SPRED2: variants seen among roughly 807,000 people sequenced by gnomAD.
SPRED2 encodes the protein sprouty-related, EVH1 domain-containing protein 2.
Under a neutral mutation model 43.0 loss-of-function variants are expected in SPRED2, and 47 were observed. The ratio of observed to expected loss-of-function variants is 1.09; its 90% CI spans 0.87 to 1.40. SPRED2 has a LOEUF of 1.40. Ranked by LOEUF, SPRED2 falls within the 40% of genes most tolerant of loss-of-function variation. SPRED2 has a pLI of 0.00. For synonymous variants in SPRED2, 225 were observed against 225.7 expected (o/e 1.00, Z 0.03); for missense variants, 561 against 586.4 (o/e 0.96, Z 0.45).
At chr2:65,385,007 C>G (rs1675462918) in intron 1 of SPRED2, among the ~76,000 whole-genome samples, 1 of 139,040 alleles carries the variant, frequency 7.2e-6, no homozygotes, top group African/African-American at 2.6e-5. Context: ...GACTCTTGCT[C>G]TGTCACCCAG....
intron 1 of SPRED2, among the ~76,000 whole-genome samples, chr2:65,398,249 A>G (rs760093878): frequency 1.3e-5 from 2 of 152,270 alleles, no homozygotes; most frequent in Non-Finnish European, 2.9e-5. Flanking sequence ...AAGATGGACC[A>G]AAGACTTAAA....
chr2:65,356,413 G>A (rs1044074012), intron 1 of SPRED2, among the ~76,000 whole-genome samples: 2 of 151,730 alleles, frequency 1.3e-5, no homozygotes, highest in African/African-American at 4.8e-5. Context: ...TGAGAGATTT[G>A]TAGTGTTATG....
intron 1 of SPRED2, among the ~76,000 whole-genome samples, chr2:65,421,642 A>G (rs1288949655): frequency 1.3e-5 from 2 of 152,306 alleles, no homozygotes; most frequent in East Asian, 3.9e-4. Context: ...TCTTTCCAAA[A>G]CAAGTATTTG....
intron 1 of SPRED2, among the ~76,000 whole-genome samples, chr2:65,394,307 G>A (rs957180729): frequency 6.6e-6 from 1 of 152,164 alleles, no homozygotes; most frequent in Non-Finnish European, 1.5e-5. Context: ...AAATTCTCAG[G>A]TGCCTGGCAA....
chr2:65,395,081 C>T (rs537840412), intron 1 of SPRED2, among the ~76,000 whole-genome samples: 31 of 152,228 alleles, frequency 2.0e-4, no homozygotes, highest in Admixed American at 7.2e-4. Flanking sequence ...TAACTCCGCC[C>T]GAGGTATCCA....
chr2:65,413,143 C>T lies in SPRED2; in HGVS notation c.26+18819G>A, dbSNP rs376339155. On this transcript the variant is annotated intron_variant, in intron 1 of 5. Coordinates refer to ENST00000356388, the MANE Select transcript of SPRED2 (RefSeq NM_181784.3). ...GTGACCATACTGACACCAAGAGGACCTTCTTTTTTGCCTACCCCTCTCAAG... is the reference window on the plus strand; with the variant it reads ...GTGACCATACTGACACCAAGAGGACTTTCTTTTTTGCCTACCCCTCTCAAG... Among the ~76,000 whole-genome samples, 24 of 152,294 alleles carry T rather than the reference C, an allele frequency of 1.6e-4. 1 individual carries two copies. The highest frequency in any genetic ancestry group is 5.8e-4 in the African/African-American group (24 of 41,542).
At chr2:65,420,209 CAAA>C (rs61448407) in intron 1 of SPRED2, among the ~76,000 whole-genome samples, 11 of 79,796 alleles carry the variant, frequency 1.4e-4, no homozygotes, top group East Asian at 1.0e-3. Flanking sequence ...GACTCTGTCT[CAAA>C]AAAAAAAAAA....
At chr2:65,412,859 C>T (rs1676193588) in intron 1 of SPRED2, among the ~76,000 whole-genome samples, 1 of 152,228 alleles carries the variant, frequency 6.6e-6, no homozygotes, top group African/African-American at 2.4e-5. Context: ...CCCATGTCCT[C>T]ATTTGGCAGT....
chr2:65,337,402 G>A (rs1673997638), intron 2 of SPRED2, among the ~76,000 whole-genome samples: 1 of 151,606 alleles, frequency 6.6e-6, no homozygotes, highest in Admixed American at 6.6e-5. Flanking sequence ...GTTCTTGTTC[G>A]AGACTTGAAA....
At position 65,327,931 on chromosome 2, in the gene SPRED2, C is replaced by T. The variant is rs546985415; in HGVS notation, c.438+4056G>A. On this transcript the variant is annotated intron_variant, in intron 4 of 5. Coordinates refer to ENST00000356388, the MANE Select transcript of SPRED2 (RefSeq NM_181784.3). ...TAGAGATGGGGTTTCACCATGTTGG[C>T]CAGGCTGGTCTTGAATTGCTGACCT... Among the ~76,000 whole-genome samples the T allele has an allele frequency of 1.8e-4, 28 of 151,794 alleles. No individual in the cohort carries two copies. The South Asian group carries it at 5.2e-3, about 28-fold the overall frequency.
At chr2:65,412,368 A>G (rs1022507027) in intron 1 of SPRED2, among the ~76,000 whole-genome samples, 7 of 152,268 alleles carry the variant, frequency 4.6e-5, no homozygotes, top group African/African-American at 1.7e-4. Context: ...TCAAGAAAAA[A>G]TGATTTTGAA....
chr2:65,398,350 C>T (rs1361439448), intron 1 of SPRED2, among the ~76,000 whole-genome samples: 1 of 152,104 alleles, frequency 6.6e-6, no homozygotes, highest in Non-Finnish European at 1.5e-5. Context: ...TGACCAAGAA[C>T]CCCAAAGCAA....
intron 1 of SPRED2, among the ~76,000 whole-genome samples, chr2:65,393,269 A>C (rs1174500208): frequency 6.6e-6 from 1 of 151,414 alleles, no homozygotes; most frequent in Admixed American, 6.6e-5. Context: ...CTTCCCCAAA[A>C]TCCAGAGCTG....
chr2:65,319,365 G>A (rs1009694076), intron 4 of SPRED2, among the ~76,000 whole-genome samples: 1 of 152,196 alleles, frequency 6.6e-6, no homozygotes, highest in Non-Finnish European at 1.5e-5. Flanking sequence ...CTGTAATCAA[G>A]ATCTAAGGGT....
At chr2:65,307,549 C>CAAAAA (rs55812957), downstream of SPRED2, among the ~76,000 whole-genome samples, 1 of 104,146 alleles carries the variant, frequency 9.6e-6, no homozygotes, top group African/African-American at 3.6e-5. Flanking sequence ...AACCCCTTCT[C>CAAAAA]AAAAAAAAAA....
At chr2:65,412,181 G>A (rs891351191) in intron 1 of SPRED2, among the ~76,000 whole-genome samples, 2 of 151,364 alleles carry the variant, frequency 1.3e-5, no homozygotes, top group Admixed American at 1.3e-4. Flanking sequence ...CAGCAAGGAT[G>A]CAATGACAAT....
Position 65,316,760 on chromosome 2 carries a change from G to C in SPRED2, c.562C>G (p.Pro188Ala). Residue 188 changes from proline (P) to alanine (A), a missense_variant, in exon 5 of 6, where the codon CCC (proline) becomes GCC (alanine). This residue lies in a region of SPRED2 where 305 missense variants were observed against 282.4 expected (regional missense o/e 1.08). Transcript: ENST00000356388. The stretch of plus-strand genomic sequence containing the variant: ...TGATCGAGGTGATAGTGGTCTGTGG[G>C]GTATGAGTCGTGGAGGTGGCCCAGG... Reference protein sequence around the residue: ...YTLGHLHDSYPTDHYHLDQPM... With the variant: ...YTLGHLHDSYATDHYHLDQPM... 3.1e-6 allele frequency: 5 copies of C among 1,612,052 alleles called. No homozygotes were observed. The highest frequency in any genetic ancestry group is 1.1e-5 in the South Asian group (1 of 90,452).
At chr2:65,331,882 C>T (rs1435839470) in intron 4 of SPRED2, 105 bp downstream of exon 4, 2 of 837,446 alleles carry the variant, frequency 2.4e-6, no homozygotes, top group East Asian at 2.6e-5. Flanking sequence ...ATCCAAACAG[C>T]AACAGCAAAC....
At chr2:65,401,923 A>G (rs1348805597) in intron 1 of SPRED2, among the ~76,000 whole-genome samples, 2 of 99,436 alleles carry the variant, frequency 2.0e-5, no homozygotes, top group Admixed American at 1.8e-4. Flanking sequence ...CGATCAGAAT[A>G]TTAGCGCGCG....
Sources: gnomAD v4.1 joint callset for allele counts (sites outside exome capture counted in the v4.1 genomes callset) on GRCh38, gnomAD v4.1.1 for gene constraint, gnomAD v4.1.1 regional missense constraint, MANE v1.5 for transcripts, NCBI Gene and HGNC (gene_info 2026-07-23, HGNC 2026-07-21) for gene names.